The following STX16 variants were observed in gnomAD, a reference collection of about 807,000 sequenced individuals.
STX16 encodes the protein syntaxin-16.
Under a neutral mutation model 42.7 loss-of-function variants are expected in STX16, and 28 were observed. The observed-to-expected ratio is 0.66, with a 90% CI of 0.49 to 0.90. STX16 has a LOEUF of 0.90. STX16 is among the 40% of genes least tolerant of loss of function. The pLI is 0.00. For synonymous variants in STX16, 156 were observed against 155.2 expected, an observed-to-expected ratio of 1.00 and a Z score of -0.04; for missense variants, 361 against 420.9, an observed-to-expected ratio of 0.86 and a Z score of 1.24.
At chr20:58,652,408 G>A in intron 1 of STX16, 1 of 521,904 alleles carries the variant, frequency 1.9e-6, no homozygotes, top group Non-Finnish European at 3.4e-6. Flanking sequence ...GCGTCACTGC[G>A]CTACAGGCCG....
Position 58,657,944 on chromosome 20 carries a change from G to A in STX16, c.133-1679G>A, listed in dbSNP as rs962705230. On this transcript the variant is annotated intron_variant, in intron 1 of 8. Transcript: ENST00000371141. This position sits in a 1 kb window ranked among gnomAD's most constrained non-coding sequence, Gnocchi z 4.2. ...ACCTGAACACCTGGGTCTGTCCCCA[G>A]TCTGACCATTAACAAGCTCTGTGGC... Among the ~76,000 whole-genome samples, 2 of 152,198 alleles carry A rather than the reference G, an allele frequency of 1.3e-5. No individual in the cohort carries two copies. Among genetic ancestry groups the A allele is most frequent in the Non-Finnish European group, 2.9e-5 (2 of 68,038 alleles).
In STX16 at chr20:58,651,750, G is replaced by T; in HGVS notation, c.-257G>T. The stretch of plus-strand genomic sequence containing the variant: ...TTGGATCGCTACGCAAGGATTGGGG[G>T]GATTCAAGTGCTTAGAGATCGAAGT... On this transcript the variant is annotated 5_prime_UTR_variant, in exon 1 of 9. Coordinates refer to ENST00000371141, the MANE Select transcript of STX16 (RefSeq NM_001001433.3). 2.4e-6 allele frequency: 1 copy of T among 424,456 alleles called. No individual in the cohort carries two copies. The highest frequency in any genetic ancestry group is 2.5e-5 in the South Asian group (1 of 39,584). 26.3% of individuals were successfully genotyped at this position (424,456 alleles called of 1,614,324 possible).
In STX16 at chr20:58,671,472, G is replaced by GTGTGTA. The variant is rs1158625190; in HGVS notation, c.792+176_792+177insGTGTAT. On this transcript the variant is annotated intron_variant, in intron 7 of 8. Coordinates refer to ENST00000371141, the MANE Select transcript of STX16 (RefSeq NM_001001433.3). ...TGTGTGTGTGTGTGTGTGTGTGTGTGTATATTAATATTAATCAAATATTAA... is the reference window on the plus strand; with the variant it reads ...TGTGTGTGTGTGTGTGTGTGTGTGTGTGTGTATATATTAATATTAATCAAATATTAA... 3.9e-4 allele frequency among the ~76,000 whole-genome samples: 38 copies of GTGTGTA among 98,116 alleles called. No homozygotes were observed. The South Asian group carries it at 8.7e-3, about 23-fold the overall frequency. The allele number at this position is 98,116 out of a possible 152,430, so 64.4% of individuals were successfully genotyped here. A position where few individuals can be genotyped will look rare whatever the true frequency, so the allele number is the denominator to read the frequency against.
intron 8 of STX16, 71 bp from the exon 9 acceptor site, chr20:58,676,116 C>G: frequency 7.6e-7 from 1 of 1,311,096 alleles, no homozygotes; most frequent in Non-Finnish European, 1.1e-6. Flanking sequence ...AAGCCTCATT[C>G]TGGAAACGAG....
In STX16 at chr20:58,679,311, A is replaced by AT. The variant is rs1457666881; in HGVS notation, c.*3020_*3021insT. On this transcript the variant is annotated 3_prime_UTR_variant, in exon 9 of 9. Coordinates refer to ENST00000371141, the MANE Select transcript of STX16 (RefSeq NM_001001433.3). The stretch of plus-strand genomic sequence containing the variant: ...GTGCTTTCAGTGTTTTATCCTAGCT[A>AT]ATGGCTTCTTAAAGGTAATAAAACC... 6.6e-6 allele frequency: 1 copy of AT among 152,662 alleles called. No homozygotes were observed. The highest frequency in any genetic ancestry group is 2.4e-5 in the African/African-American group (1 of 41,470). The allele number at this position is 152,662 out of a possible 1,614,324, so 9.5% of individuals were successfully genotyped here.
intron 2 of STX16, among the ~76,000 whole-genome samples, chr20:58,661,806 G>C (rs2083707755): frequency 6.6e-6 from 1 of 152,210 alleles, no homozygotes; most frequent in Non-Finnish European, 1.5e-5. Context: ...TCTGGAAATA[G>C]TGAACACCCA....
rs1025026671 is a variant in STX16 at position 58,652,340 on chromosome 20, C to T, written c.132+202C>T. 5 of 743,022 alleles carry T rather than the reference C, an allele frequency of 6.7e-6. No individual in the cohort carries two copies. The African/African-American group carries it at 6.9e-5, about 10-fold the overall frequency. 46.0% of individuals were successfully genotyped at this position (743,022 alleles called of 1,614,324 possible). A position where few individuals can be genotyped will look rare whatever the true frequency, so the allele number is the denominator to read the frequency against. ...CGGTGCTGTGAGGCCGCAGCTCCAC[C>T]TCTGCCCGGTCTTCTCCTCACTTCC... On this transcript the variant is annotated intron_variant, in intron 1 of 8. Transcript: ENST00000371141.
In STX16 at chr20:58,670,571, GATGATGGAGAC is replaced by G; in HGVS notation, c.617_627del (p.Asp206GlyfsTer2). The stretch of plus-strand genomic sequence containing the variant: ...TTTCGACACATCAGTACCACTAATG[GATGATGGAGAC>G]GATAACACTCTTTACCATCGGGTAC... On this transcript the variant is annotated frameshift_variant, in exon 6 of 9. Transcript: ENST00000371141. LOFTEE classifies it high-confidence loss of function. 1 of 1,614,148 alleles carries G rather than the reference GATGATGGAGAC, an allele frequency of 6.2e-7. No homozygotes were observed. Among genetic ancestry groups the G allele is most frequent in the Non-Finnish European group, 8.5e-7 (1 of 1,180,004 alleles).
chr20:58,654,779 G>C (rs76288057), intron 1 of STX16, among the ~76,000 whole-genome samples: 5,403 of 152,174 alleles, frequency 0.036, 316 homozygotes, highest in African/African-American at 0.12. Flanking sequence ...AATTTTATTA[G>C]AGATGCCTAC....
chr20:58,652,097 C>G lies in STX16; in HGVS notation c.91C>G (p.His31Asp). The change falls in exon 1 of 9, where the codon CAC becomes GAC. Residue 31 changes from histidine (H) to aspartate (D), a missense_variant. Transcript: ENST00000371141. ...RQLLAEQVSS[H>D]ITSSPLHSRS... ...GCTGTTAGCCGAGCAAGTGAGTAGT[C>G]ACATCACCTCCAGCCCTCTGCATTC... The G allele has an allele frequency of 6.2e-7, 1 of 1,614,190 alleles. No individual in the cohort carries two copies.
In STX16 at chr20:58,667,505, A is replaced by G. The variant is rs762816819; in HGVS notation, c.160A>G (p.Met54Val). 3 of 1,614,108 alleles carry G rather than the reference A, an allele frequency of 1.9e-6. No homozygotes were observed. In the Admixed American group the frequency reaches 5.0e-5, roughly 27 times the overall value. Residue 54 changes from methionine (M) to valine (V), a missense_variant, in exon 3 of 9, where the codon ATG becomes GTG. Physicochemically the swap from Met to Val is conservative, Grantham distance 21 (BLOSUM62 1). Coordinates refer to ENST00000371141, the MANE Select transcript of STX16 (RefSeq NM_001001433.3). ...TTTCCTGTAGCTTGCTGATGACCGT[A>G]TGGCACTGGTGTCAGGCATCAGCTT... ...AELDELADDR[M>V]ALVSGISLDP...
At position 58,668,074 on chromosome 20, in the gene STX16, G is replaced by A. The variant is rs373265054; in HGVS notation, c.340G>A (p.Asp114Asn). The change falls in exon 4 of 9, where the codon GAC (aspartate) becomes AAC (asparagine). Residue 114 changes from aspartate (D) to asparagine (N), a missense_variant. Transcript: ENST00000371141. ...DKHLNRPTLD[D>N]SSEEEHAIEI... is the part of the protein sequence containing the mutation. Reference sequence around the variant, plus strand: ...GCATTTAAACAGACCCACCCTGGATGACAGCAGCGAAGAGGAACATGCCAT... The same window carrying A: ...GCATTTAAACAGACCCACCCTGGATAACAGCAGCGAAGAGGAACATGCCAT... The A allele has an allele frequency of 4.3e-6, 7 of 1,614,128 alleles. No individual in the cohort carries two copies. The highest frequency in any genetic ancestry group is 5.1e-6 in the Non-Finnish European group (6 of 1,180,056).
chr20:58,665,124 A>G (rs146938578), intron 2 of STX16, among the ~76,000 whole-genome samples: 103 of 152,242 alleles, frequency 6.8e-4, no homozygotes, highest in Non-Finnish European at 8.8e-4. Flanking sequence ...CCTCTTGGTG[A>G]CTTTGGAGCA....
At chr20:58,675,236 C>T (rs1350973862) in intron 8 of STX16, among the ~76,000 whole-genome samples, 2 of 152,184 alleles carry the variant, frequency 1.3e-5, no homozygotes, top group Non-Finnish European at 2.9e-5. Flanking sequence ...GGCAGGCTCA[C>T]TTAGGAAACA....
In STX16 at chr20:58,667,950, C is replaced by T; in HGVS notation, c.253-37C>T. On this transcript the variant is annotated intron_variant, in intron 3 of 8. Coordinates refer to ENST00000371141, the MANE Select transcript of STX16 (RefSeq NM_001001433.3). The stretch of plus-strand genomic sequence containing the variant: ...CTGATGGAGGCAGACCATAGCCTGC[C>T]TGGCATCAGTGGAGTTCTGTGACTT... The T allele has an allele frequency of 1.9e-6, 3 of 1,613,570 alleles. No homozygotes were observed. In the South Asian group the frequency reaches 3.3e-5, roughly 18 times the overall value.
At position 58,651,878 on chromosome 20, in the gene STX16, G is replaced by T. The variant is rs1600977544; in HGVS notation, c.-129G>T. 1 of 963,662 alleles carries T rather than the reference G, an allele frequency of 1.0e-6. No homozygotes were observed. Among genetic ancestry groups the T allele is most frequent in the Non-Finnish European group, 1.6e-6 (1 of 636,726 alleles). The allele number at this position is 963,662 out of a possible 1,614,324, so 59.7% of individuals were successfully genotyped here. ...GCGCACAGCTGCATCTTTTTGGCTTGAGGCCTGAGGCCTTGTCGAGAAGCT... is the reference window on the plus strand; with the variant it reads ...GCGCACAGCTGCATCTTTTTGGCTTTAGGCCTGAGGCCTTGTCGAGAAGCT... On this transcript the variant is annotated 5_prime_UTR_variant, in exon 1 of 9. Coordinates refer to ENST00000371141, the MANE Select transcript of STX16 (RefSeq NM_001001433.3).
chr20:58,661,998 T>C (rs16982225), intron 2 of STX16, among the ~76,000 whole-genome samples: 12,142 of 152,258 alleles, frequency 0.08, 535 homozygotes, highest in African/African-American at 0.096. Context: ...ACCCTGGAGA[T>C]GTCACTTTTC....
At chr20:58,664,389 T>C (rs2083768373) in intron 2 of STX16, among the ~76,000 whole-genome samples, 1 of 152,246 alleles carries the variant, frequency 6.6e-6, no homozygotes, top group South Asian at 2.1e-4. Flanking sequence ...TAATGAACTA[T>C]AGCTATAGAC....
intron 1 of STX16, among the ~76,000 whole-genome samples, chr20:58,658,039 C>T (rs931426193): frequency 1.3e-5 from 2 of 152,122 alleles, no homozygotes; most frequent in African/African-American, 4.8e-5. Context: ...ATTTCTAGCC[C>T]TAGAATCCCA....
Sources: gnomAD v4.1 joint callset for allele counts (sites outside exome capture counted in the v4.1 genomes callset) on GRCh38, gnomAD v4.1.1 for gene constraint, Gnocchi (gnomAD v3.1) non-coding constraint, MANE v1.5 for transcripts, NCBI Gene and HGNC (gene_info 2026-07-23, HGNC 2026-07-21) for gene names.